The following SLC4A8 variants were observed in gnomAD, a reference collection of about 807,000 sequenced individuals.
SLC4A8 encodes the protein solute carrier family 4 member 8, also known as electroneutral sodium bicarbonate exchanger 1.
Under a neutral mutation model 125.0 loss-of-function variants are expected in SLC4A8, and 40 were observed. The ratio of observed to expected loss-of-function variants is 0.32; its 90% CI spans 0.25 to 0.42. SLC4A8 has a LOEUF of 0.42. SLC4A8 is among the 10% of genes least tolerant of loss of function. The pLI is 1.00. For missense variants in SLC4A8, 863 were observed against 1,355.1 expected (o/e 0.64, Z 5.70); for synonymous variants, 456 against 476.0 (o/e 0.96, Z 0.55).
chr12:51,462,535 T>C, intron 10 of SLC4A8, 79 bp downstream of exon 10: 2 of 1,168,704 alleles, frequency 1.7e-6, no homozygotes, highest in Non-Finnish European at 1.2e-6. Flanking sequence ...ACCATGTGGG[T>C]ATATGCTAAA....
chr12:51,421,428 C>G (rs1197770613), upstream of SLC4A8, among the ~76,000 whole-genome samples: 1 of 152,248 alleles, frequency 6.6e-6, no homozygotes, highest in African/African-American at 2.4e-5. Context: ...TGGCCTACTT[C>G]CTTTTGTAAT....
At chr12:51,422,119 C>T (rs2138007125), upstream of SLC4A8, 1 of 152,314 alleles carries the variant, frequency 6.6e-6, no homozygotes, top group South Asian at 2.1e-4. Context: ...GGAATCCCAG[C>T]TTCATGACTG....
At chr12:51,432,691 C>A (rs1303658390) in intron 1 of SLC4A8, among the ~76,000 whole-genome samples, 3 of 152,100 alleles carry the variant, frequency 2.0e-5, no homozygotes, top group African/African-American at 7.2e-5. Context: ...CCTCTGCACT[C>A]CAGCCTGGTG....
At chr12:51,454,111 A>G (rs1950053762) in intron 5 of SLC4A8, among the ~76,000 whole-genome samples, 1 of 152,200 alleles carries the variant, frequency 6.6e-6, no homozygotes. Flanking sequence ...AGCCTGGTCA[A>G]CATGGTGAAA....
chr12:51,489,973 C>G, intron 19 of SLC4A8, 22 bp downstream of exon 19: 1 of 1,611,028 alleles, frequency 6.2e-7, no homozygotes, highest in Non-Finnish European at 8.5e-7. Context: ...TTCAGTCATT[C>G]AGCAAATATC....
At chr12:51,436,521 A>T (rs538732974) in intron 1 of SLC4A8, among the ~76,000 whole-genome samples, 1 of 152,170 alleles carries the variant, frequency 6.6e-6, no homozygotes, top group Non-Finnish European at 1.5e-5. Flanking sequence ...TCTAGTTTCT[A>T]TCTTTGTCTC....
chr12:51,471,172 G>T, intron 13 of SLC4A8, 115 bp from the exon 14 acceptor site: 1 of 931,374 alleles, frequency 1.1e-6, no homozygotes, highest in East Asian at 2.4e-5. Flanking sequence ...ATCAGAATTA[G>T]GGATAAACTG....
At chr12:51,395,770 C>T (rs879468672) in intron 1 of SLC4A8, among the ~76,000 whole-genome samples, 26 of 152,204 alleles carry the variant, frequency 1.7e-4, no homozygotes, top group East Asian at 7.7e-4. Context: ...AGGGAAACAA[C>T]GGAGTCTCCC....
chr12:51,458,631 G>T lies in SLC4A8; in HGVS notation c.836G>T (p.Ser279Ile), dbSNP rs1950228645. The T allele has an allele frequency of 1.9e-6, 3 of 1,613,340 alleles. No individual in the cohort carries two copies. Among genetic ancestry groups the T allele is most frequent in the African/African-American group, 1.3e-5 (1 of 74,914 alleles). The change falls in exon 7 of 25, where the codon AGT becomes ATT. Residue 279 changes from serine (S) to isoleucine (I), a missense_variant. Transcript: ENST00000453097. ...EVKNGVNCEH[S>I]PVDLSKVDLH... ...AAAAATGGAGTGAATTGTGAACATA[G>T]TCCTGTGGATTTAAGCAAGGTGAGC...
At chr12:51,481,966 A>G in intron 16 of SLC4A8, among the ~76,000 whole-genome samples, 1 of 151,898 alleles carries the variant, frequency 6.6e-6, no homozygotes, top group Non-Finnish European at 1.5e-5. Context: ...ACAAAACAAA[A>G]CCAAAAAAAA....
chr12:51,411,006 C>T (rs1016712237), intron 1 of SLC4A8, among the ~76,000 whole-genome samples: 3 of 146,736 alleles, frequency 2.0e-5, no homozygotes, highest in Non-Finnish European at 4.5e-5. Flanking sequence ...TCCCAAAGTG[C>T]TGGGAATACA....
intron 3 of SLC4A8, among the ~76,000 whole-genome samples, chr12:51,451,673 TGTGA>T (rs1592206623): frequency 6.6e-6 from 1 of 151,950 alleles, no homozygotes. Flanking sequence ...AGTGTGTGTG[TGTGA>T]GTATGAGTTT....
At chr12:51,406,647 G>A (rs926610030) in intron 1 of SLC4A8, among the ~76,000 whole-genome samples, 1 of 152,250 alleles carries the variant, frequency 6.6e-6, no homozygotes, top group Non-Finnish European at 1.5e-5. Context: ...GGGCATTTGT[G>A]TGACGTTGGT....
chr12:51,461,112 A>T (rs188035291), intron 8 of SLC4A8, 92 bp from the exon 9 acceptor site: 1 of 598,996 alleles, frequency 1.7e-6, no homozygotes, highest in East Asian at 2.8e-5. Flanking sequence ...TTTATGTACG[A>T]TAAGAGAGAG....
At chr12:51,469,544 A>G (rs117925115) in intron 11 of SLC4A8, 70 bp from the exon 12 acceptor site, 31,045 of 1,392,022 alleles carry the variant, frequency 0.022, 460 homozygotes, top group Admixed American at 0.052. Context: ...AATGCTTTCA[A>G]ATGTGTGCTG....
At chr12:51,495,250 G>T (rs1951430539) in intron 21 of SLC4A8, 132 bp downstream of exon 21, 2 of 720,468 alleles carry the variant, frequency 2.8e-6, no homozygotes, top group Admixed American at 5.8e-5. Flanking sequence ...TTGCTGTGGA[G>T]CTATTACCAC....
chr12:51,416,769 T>C (rs1188643221), intron 1 of SLC4A8, among the ~76,000 whole-genome samples: 1 of 152,240 alleles, frequency 6.6e-6, no homozygotes, highest in Non-Finnish European at 1.5e-5. Context: ...TTTCTGTATC[T>C]GTAGTGCTGT....
intron 1 of SLC4A8, among the ~76,000 whole-genome samples, chr12:51,406,518 G>A (rs1948492427): frequency 6.6e-6 from 1 of 151,988 alleles, no homozygotes; most frequent in African/African-American, 2.4e-5. Context: ...ATGAAGAGGG[G>A]AGTGGTTAAC....
At chr12:51,426,419 T>G (rs1565765170) in intron 1 of SLC4A8, among the ~76,000 whole-genome samples, 2 of 152,190 alleles carry the variant, frequency 1.3e-5, no homozygotes, top group Non-Finnish European at 2.9e-5. Context: ...GAAGTACTAT[T>G]TTTAATCAAA....
Sources: allele counts gnomAD v4.1 joint callset (sites outside exome capture counted in the v4.1 genomes callset), GRCh38; gene constraint gnomAD v4.1.1; transcripts MANE v1.5; gene names NCBI Gene and HGNC (gene_info 2026-07-23, HGNC 2026-07-21).